REPS2: variants seen among roughly 807,000 people sequenced by gnomAD.
REPS2 encodes the protein RALBP1 associated Eps domain containing 2.
REPS2 carries 23 observed loss-of-function variants against 53.6 expected under a neutral mutation model. That is an observed-to-expected ratio of 0.43 (90% CI 0.31 to 0.61). The LOEUF is 0.61. REPS2 is among the 20% of genes least tolerant of loss of function. The pLI is 0.11. For missense variants in REPS2, 446 were observed against 534.9 expected, an observed-to-expected ratio of 0.83 and a Z score of 1.64; for synonymous variants, 238 against 218.6, an observed-to-expected ratio of 1.09 and a Z score of -0.78.
At chrX:17,044,965 T>C (rs1227427473) in intron 5 of REPS2, among the ~76,000 whole-genome samples, 3 of 111,844 alleles carry the variant, frequency 2.7e-5, no homozygotes, top group African/African-American at 9.8e-5. Context: ...GTTTCGCTCT[T>C]GTTGCCCAGG....
At chrX:17,109,256 T>C (rs1013059811) in intron 14 of REPS2, among the ~76,000 whole-genome samples, 4 of 111,037 alleles carry the variant, frequency 3.6e-5, no homozygotes, top group African/African-American at 1.3e-4. Flanking sequence ...AGTGGAATCA[T>C]CTGGGGGAGC....
At chrX:16,977,231 A>T (rs2060966128) in intron 1 of REPS2, among the ~76,000 whole-genome samples, 1 of 111,055 alleles carries the variant, frequency 9.0e-6, no homozygotes, top group Non-Finnish European at 1.9e-5. Flanking sequence ...GGCCTTAATG[A>T]TTCCTATTGG....
At chrX:17,025,406 C>T (rs1426380281) in intron 4 of REPS2, among the ~76,000 whole-genome samples, 3 of 111,899 alleles carry the variant, frequency 2.7e-5, no homozygotes, top group Admixed American at 9.5e-5. Context: ...GAAACTAGTT[C>T]GTCTTTAGAC....
Position 16,995,459 on chromosome X carries a change from C to T in REPS2, c.274-10762C>T, listed in dbSNP as rs112082111. ...GAATTTCTCTGATAACTTCTCTGAA[C>T]TCTGAAATTCTTATTTGCAAAACCA... On this transcript the variant is annotated intron_variant, in intron 1 of 17. Transcript: ENST00000357277. Among the ~76,000 whole-genome samples, 618 of 112,448 alleles carry T rather than the reference C, an allele frequency of 5.5e-3. 5 individuals carry two copies. Among genetic ancestry groups the T allele is most frequent in the African/African-American group, 0.019 (593 of 30,926 alleles).
the REPS2 span, among the ~76,000 whole-genome samples, chrX:17,177,528 G>A: frequency 1.1e-3 from 120 of 111,740 alleles, no homozygotes; most frequent in Non-Finnish European, 2.1e-3. Flanking sequence ...AGGCCTTGTG[G>A]CTTATGGCTG....
intron 14 of REPS2, among the ~76,000 whole-genome samples, chrX:17,111,925 C>T (rs2062976696): frequency 9.0e-6 from 1 of 111,198 alleles, no homozygotes; most frequent in Non-Finnish European, 1.9e-5. Flanking sequence ...CTCTGCTCCT[C>T]CCTGCTAAGT....
At position 17,119,868 on chromosome X, in the gene REPS2, C is replaced by CTTT. The variant is rs35141257; in HGVS notation, c.1579-13932_1579-13930dup. Among the ~76,000 whole-genome samples the CTTT allele has an allele frequency of 2.9e-3, 117 of 40,503 alleles. 13 individuals carry two copies. The highest frequency in any genetic ancestry group is 0.023 in the Middle Eastern group (1 of 43). 35.2% of individuals were successfully genotyped at this position (40,503 alleles called of 115,157 possible). A position where few individuals can be genotyped will look rare whatever the true frequency, so the allele number is the denominator to read the frequency against. On this transcript the variant is annotated intron_variant, in intron 14 of 17. Coordinates refer to ENST00000357277, the MANE Select transcript of REPS2 (RefSeq NM_004726.3). ...TCTGCTGTCCCCTATCGCACTGTGA[C>CTTT]TTTTTTTTTTTTTTTTTTTTTTTTT... is the stretch of plus-strand genomic sequence containing the variant.
chrX:17,121,647 T>C (rs2063142536), intron 14 of REPS2, among the ~76,000 whole-genome samples: 1 of 112,937 alleles, frequency 8.9e-6, no homozygotes, highest in African/African-American at 3.2e-5. Flanking sequence ...CTCTTGTTTA[T>C]GTTTAACTTG....
intron 16 of REPS2, chrX:17,137,177 G>A (rs1195249196): frequency 8.9e-6 from 1 of 112,423 alleles, no homozygotes; most frequent in Non-Finnish European, 1.9e-5. Context: ...GCTAGGTCAT[G>A]TGGTAACTCT....
intron 5 of REPS2, among the ~76,000 whole-genome samples, chrX:17,038,049 G>T (rs780559303): frequency 5.4e-5 from 6 of 111,972 alleles, no homozygotes; most frequent in Non-Finnish European, 9.4e-5. Flanking sequence ...TGTCCATTTG[G>T]AAATACTTAA....
chrX:17,182,494 C>T, the REPS2 span, among the ~76,000 whole-genome samples: 9 of 110,529 alleles, frequency 8.1e-5, no homozygotes, highest in Non-Finnish European at 1.5e-4. Context: ...AGCTTTTTTC[C>T]TTATGTACAT....
Position 16,947,091 on chromosome X carries a change from A to G in REPS2, c.230A>G (p.Asp77Gly). 2 of 1,096,778 alleles carry G rather than the reference A, an allele frequency of 1.8e-6. No individual in the cohort carries two copies. The highest frequency in any genetic ancestry group is 2.4e-6 in the Non-Finnish European group (2 of 844,807). 90.4% of individuals were successfully genotyped at this position (1,096,778 alleles called of 1,213,427 possible). A position where few individuals can be genotyped will look rare whatever the true frequency, so the allele number is the denominator to read the frequency against. The change falls in exon 1 of 18, where the codon GAC becomes GGC. Residue 77 changes from aspartate to glycine, a missense_variant. Coordinates refer to ENST00000357277, the MANE Select transcript of REPS2 (RefSeq NM_004726.3). Reference sequence around the variant, plus strand: ...ACTGCGGCCGCCGGCCCCGTGGCTGACCTGTTTCGGGCATCGCAGCTGCCC... The same window carrying G: ...ACTGCGGCCGCCGGCCCCGTGGCTGGCCTGTTTCGGGCATCGCAGCTGCCC... The part of the protein sequence containing the change: ...TATAAAGPVA[D>G]LFRASQLPAE...
the REPS2 span, among the ~76,000 whole-genome samples, chrX:17,184,959 T>A: frequency 8.9e-6 from 1 of 111,918 alleles, no homozygotes; most frequent in Non-Finnish European, 1.9e-5. Flanking sequence ...CTTTGTCAGT[T>A]TTATTGTGTA....
intron 1 of REPS2, among the ~76,000 whole-genome samples, chrX:16,966,464 A>G (rs2060771069): frequency 8.9e-6 from 1 of 112,466 alleles, no homozygotes; most frequent in Non-Finnish European, 1.9e-5. Flanking sequence ...ATGGGACCCA[A>G]GTCTAAACAC....
intron 1 of REPS2, among the ~76,000 whole-genome samples, chrX:16,983,491 ATTTTG>A (rs755219921): frequency 1.3e-4 from 15 of 111,653 alleles, no homozygotes; most frequent in African/African-American, 2.9e-4. Flanking sequence ...CCTTACCTCC[ATTTTG>A]TTTTGTTTTG....
At chrX:17,081,516 A>G (rs2062455275) in intron 13 of REPS2, among the ~76,000 whole-genome samples, 1 of 112,714 alleles carries the variant, frequency 8.9e-6, no homozygotes, top group Non-Finnish European at 1.9e-5. Context: ...AAAAGAACAA[A>G]GGGCTGATTT....
chrX:17,134,474 G>T (rs191056529), intron 15 of REPS2, among the ~76,000 whole-genome samples: 223 of 111,567 alleles, frequency 2.0e-3, no homozygotes, highest in African/African-American at 6.9e-3. Context: ...GCACAGGTGA[G>T]GTAGAGTCCT....
intron 5 of REPS2, among the ~76,000 whole-genome samples, chrX:17,030,615 G>A (rs767811634): frequency 8.7e-4 from 98 of 112,047 alleles, no homozygotes; most frequent in African/African-American, 3.0e-3. Context: ...ATTTTCTAAG[G>A]TGGGACTCTG....
chrX:17,143,726 T>C (rs972501680), intron 17 of REPS2, among the ~76,000 whole-genome samples: 1 of 111,959 alleles, frequency 8.9e-6, no homozygotes, highest in East Asian at 2.8e-4. Context: ...TAATAACCAA[T>C]AATTTTTTGT....
Sources: gnomAD v4.1 joint callset for allele counts (sites outside exome capture counted in the v4.1 genomes callset) on GRCh38, gnomAD v4.1.1 for gene constraint, MANE v1.5 for transcripts, NCBI Gene and HGNC (gene_info 2026-07-23, HGNC 2026-07-21) for gene names.